Variants in ANK3 observed in about 807,000 individuals in gnomAD.
ANK3 encodes the protein ankyrin-3.
ANK3 carries 57 observed loss-of-function variants against 370.9 expected under a neutral mutation model. The observed-to-expected ratio is 0.15, with a 90% CI of 0.12 to 0.19. ANK3 has a LOEUF of 0.19. Ranked by LOEUF, ANK3 falls within the 10% of genes least tolerant of loss-of-function variation. The pLI, the probability that ANK3 is intolerant of heterozygous loss-of-function variation, is 1.00. For synonymous variants in ANK3, 1,929 were observed against 1,946.3 expected, an observed-to-expected ratio of 0.99 and a Z score of 0.23; for missense variants, 4,439 against 5,302.1, an observed-to-expected ratio of 0.84 and a Z score of 5.06.
At chr10:60,261,691 C>T (rs988955148) in intron 7 of ANK3, among the ~76,000 whole-genome samples, 168 bp downstream of exon 7, 40 of 152,202 alleles carry the variant, frequency 2.6e-4, no homozygotes, top group African/African-American at 8.9e-4. Flanking sequence ...AGGAAACAGG[C>T]ACACCTATGT....
chr10:60,178,494 C>T (rs4948255), intron 18 of ANK3, among the ~76,000 whole-genome samples: 41,060 of 151,926 alleles, frequency 0.27, 6,844 homozygotes, highest in East Asian at 0.45. Flanking sequence ...GAATAGTACC[C>T]GGCATAGAGA....
chr10:60,549,883 T>A (rs770259972), intron 2 of ANK3, among the ~76,000 whole-genome samples: 2 of 152,126 alleles, frequency 1.3e-5, no homozygotes, highest in African/African-American at 2.4e-5. Context: ...GAATTCTTTA[T>A]AGAGTCACTA....
chr10:60,389,981 C>A (rs902658931), upstream of ANK3: 1 of 359,840 alleles, frequency 2.8e-6, no homozygotes, highest in African/African-American at 2.2e-5. Context: ...TTCTGAAAAC[C>A]TATTTTAGAA....
At chr10:60,098,451 T>G (rs945352664) in intron 28 of ANK3, among the ~76,000 whole-genome samples, 1 of 152,194 alleles carries the variant, frequency 6.6e-6, no homozygotes, top group East Asian at 1.9e-4. Flanking sequence ...ACTCTAGTTA[T>G]AGAATATGTA....
intron 28 of ANK3, among the ~76,000 whole-genome samples, chr10:60,102,960 T>C (rs1391194753): frequency 1.3e-5 from 2 of 151,048 alleles, no homozygotes; most frequent in Non-Finnish European, 3.0e-5. Flanking sequence ...GACAATTTAT[T>C]TTTTTTTTTC....
At chr10:60,052,848 T>A (rs76965766) in intron 42 of ANK3, among the ~76,000 whole-genome samples, 98 of 149,728 alleles carry the variant, frequency 6.5e-4, no homozygotes, top group Admixed American at 1.4e-3. Flanking sequence ...AAAAAAAAAA[T>A]AAAACTGCTA....
intron 8 of ANK3, among the ~76,000 whole-genome samples, chr10:60,214,993 T>TC (rs548081827): frequency 1.3e-3 from 199 of 152,254 alleles, no homozygotes; most frequent in African/African-American, 4.5e-3. Flanking sequence ...GTAAAAGTAT[T>TC]CCTATTTCTT....
chr10:60,058,597 C>T (rs949978275), intron 41 of ANK3, among the ~76,000 whole-genome samples: 2 of 151,932 alleles, frequency 1.3e-5, no homozygotes, highest in African/African-American at 4.8e-5. Flanking sequence ...AAAAATCATG[C>T]GTAGAAGAAA....
At chr10:60,079,393 A>G (rs1402666793) in intron 36 of ANK3, among the ~76,000 whole-genome samples, 1 of 152,032 alleles carries the variant, frequency 6.6e-6, no homozygotes, top group Non-Finnish European at 1.5e-5. Context: ...AAATATTGAA[A>G]CTTCTCTAAT....
At chr10:60,207,945 T>C (rs2096790729) in intron 10 of ANK3, 91 bp downstream of exon 10, 1 of 1,149,526 alleles carries the variant, frequency 8.7e-7, no homozygotes, top group South Asian at 1.3e-5. Context: ...CACCTTCTAT[T>C]TTAACCTCCT....
At chr10:60,423,317 TAAAAAG>T (rs141319206) in intron 2 of ANK3, among the ~76,000 whole-genome samples, 23,897 of 151,740 alleles carry the variant, frequency 0.16, 1,883 homozygotes, top group African/African-American at 0.18. Context: ...ATAAAAGAAA[TAAAAAG>T]AAAACAATAT....
At chr10:60,183,693 T>C (rs1345713918) in intron 17 of ANK3, among the ~76,000 whole-genome samples, 1 of 151,996 alleles carries the variant, frequency 6.6e-6, no homozygotes, top group African/African-American at 2.4e-5. Flanking sequence ...ACCCTGTCTC[T>C]ACTAAAAATA....
chr10:60,588,897 G>A (rs1463737868), intron 2 of ANK3, among the ~76,000 whole-genome samples: 3 of 152,142 alleles, frequency 2.0e-5, no homozygotes, highest in Non-Finnish European at 4.4e-5. Flanking sequence ...AAGGCAGAGT[G>A]AGACCCTGTC....
At chr10:60,439,452 G>A (rs146513221) in intron 2 of ANK3, among the ~76,000 whole-genome samples, 64 of 152,098 alleles carry the variant, frequency 4.2e-4, no homozygotes, top group African/African-American at 1.5e-3. Context: ...GAGGCCAGGA[G>A]TTCGAGACCT....
intron 1 of ANK3, among the ~76,000 whole-genome samples, chr10:60,313,308 C>T (rs984047142): frequency 6.6e-5 from 10 of 151,928 alleles, no homozygotes; most frequent in East Asian, 1.9e-4. Flanking sequence ...ATATGAGTCA[C>T]GGGGAAAAGG....
At chr10:60,099,250 CA>C (rs1366638387) in intron 28 of ANK3, among the ~76,000 whole-genome samples, 1 of 149,380 alleles carries the variant, frequency 6.7e-6, no homozygotes, top group African/African-American at 2.5e-5. Context: ...GTGTCACCAG[CA>C]GGGGGGGCAT....
chr10:60,499,886 A>T (rs149948091), intron 2 of ANK3, among the ~76,000 whole-genome samples: 167 of 152,322 alleles, frequency 1.1e-3, no homozygotes, highest in Middle Eastern at 6.8e-3. Context: ...CTTTGTCCAT[A>T]CTGTTCCCAA....
chr10:60,166,541 G>T, intron 23 of ANK3, 50 bp downstream of exon 23: 5 of 1,346,986 alleles, frequency 3.7e-6, no homozygotes, highest in Non-Finnish European at 5.3e-6. Flanking sequence ...AGAAATGAAA[G>T]ATAAAGTTGG....
intron 2 of ANK3, among the ~76,000 whole-genome samples, chr10:60,524,811 G>A (rs565228977): frequency 2.1e-4 from 32 of 152,098 alleles, no homozygotes; most frequent in African/African-American, 6.3e-4. Context: ...CTCCCACGAC[G>A]ACACATGTAC....
Sources: allele counts gnomAD v4.1 joint callset (sites outside exome capture counted in the v4.1 genomes callset), GRCh38; gene constraint gnomAD v4.1.1; transcripts MANE v1.5; gene names NCBI Gene and HGNC (gene_info 2026-07-23, HGNC 2026-07-21).